The following ARHGEF7 variants were observed in gnomAD, a reference collection of about 807,000 sequenced individuals.
ARHGEF7 encodes PAK-interacting exchange factor beta.
A neutral mutation model predicts 109.8 loss-of-function variants in ARHGEF7; 33 were observed. That is an observed-to-expected ratio of 0.30 (90% CI 0.23 to 0.40). The LOEUF (loss-of-function observed/expected upper bound fraction) is 0.40, where lower values mean the gene tolerates loss of function less well. Ranked by LOEUF, ARHGEF7 falls within the 10% of genes least tolerant of loss-of-function variation. The pLI, the probability that ARHGEF7 is intolerant of heterozygous loss-of-function variation, is 1.00. For synonymous variants in ARHGEF7, 458 were observed against 424.6 expected, an observed-to-expected ratio of 1.08 and a Z score of -0.97; for missense variants, 938 against 1,098.5, an observed-to-expected ratio of 0.85 and a Z score of 2.07.
At chr13:111,179,280 C>T (rs916478990) in intron 2 of ARHGEF7, among the ~76,000 whole-genome samples, 2 of 152,034 alleles carry the variant, frequency 1.3e-5, no homozygotes, top group Admixed American at 6.6e-5. Flanking sequence ...GACAGGGTTT[C>T]GCTATGTTGA....
In ARHGEF7 at chr13:111,283,157, A is replaced by G; in HGVS notation, c.1744A>G (p.Thr582Ala). The G allele has an allele frequency of 1.0e-5, 16 of 1,590,452 alleles. No homozygotes were observed. The highest frequency in any genetic ancestry group is 1.4e-5 in the Non-Finnish European group (16 of 1,169,210). ...TTGGCAGCTCCCCTCCCACCCGGTC[A>G]CTCCGTCCAGCAAGCACGCAGACAG... ...PSHTLPSHPV[T>A]PSSKHADSKP... is the part of the protein sequence containing the mutation. Residue 582 changes from threonine to alanine, a missense_variant, in exon 16 of 22, where the codon ACT becomes GCT. Coordinates refer to ENST00000646102, the MANE Select transcript of ARHGEF7 (RefSeq NM_001354046.2).
chr13:111,163,809 A>G (rs955510401), intron 2 of ARHGEF7, among the ~76,000 whole-genome samples: 2 of 152,204 alleles, frequency 1.3e-5, no homozygotes, highest in African/African-American at 4.8e-5. Flanking sequence ...TGCTGGGATT[A>G]TAGGCATGAG....
Position 111,239,929 on chromosome 13 carries a change from A to G in ARHGEF7, c.760-3943A>G, listed in dbSNP as rs572294096. On this transcript the variant is annotated intron_variant, in intron 6 of 21. Transcript: ENST00000646102. The surrounding 1 kb of genome is among the most constrained non-coding windows in gnomAD (Gnocchi z 4.3). ...TAATTACCTCCTGACTGAAGGAGTC[A>G]TTTAAGAAGCAGCTCCAAGTAAGAC... 2.6e-5 allele frequency among the ~76,000 whole-genome samples: 4 copies of G among 152,312 alleles called. No individual in the cohort carries two copies. The South Asian group carries it at 6.2e-4, about 24-fold the overall frequency.
intron 1 of ARHGEF7, 196 bp from the exon 2 acceptor site, chr13:111,153,709 G>T: frequency 7.6e-7 from 1 of 1,320,772 alleles, no homozygotes; most frequent in Non-Finnish European, 9.6e-7. Flanking sequence ...CAGCCCCGGA[G>T]GAAGAAAAAA....
chr13:111,282,031 C>T (rs1259526746), intron 15 of ARHGEF7, among the ~76,000 whole-genome samples: 2 of 152,216 alleles, frequency 1.3e-5, no homozygotes, highest in Non-Finnish European at 2.9e-5. Context: ...GGATGTCTTA[C>T]ATAATTTTAT....
At chr13:111,156,413 A>C (rs2076340005) in intron 2 of ARHGEF7, among the ~76,000 whole-genome samples, 1 of 152,274 alleles carries the variant, frequency 6.6e-6, no homozygotes, top group Admixed American at 6.5e-5. Flanking sequence ...AATTTAAGCA[A>C]GAGGCAAATG....
intron 8 of ARHGEF7, among the ~76,000 whole-genome samples, chr13:111,244,577 A>G (rs2088435047): frequency 6.6e-6 from 1 of 152,176 alleles, no homozygotes. Context: ...GAATGGCCTG[A>G]CACCAGGACC....
chr13:111,283,270 C>T lies in ARHGEF7; in HGVS notation c.1857C>T (p.Pro619=). ...GTPHTTINWG[P]LEPPKTPKPW... is the part of the protein sequence containing the mutation. ...CGCACACCACCATCAACTGGGGACCCCTGGAGCCTCCGAAAACACCCAAGC... is the reference window on the plus strand; with the variant it reads ...CGCACACCACCATCAACTGGGGACCTCTGGAGCCTCCGAAAACACCCAAGC... Residue 619 remains proline, a synonymous_variant, in exon 16 of 22, where the codon CCC becomes CCT. Coordinates refer to ENST00000646102, the MANE Select transcript of ARHGEF7 (RefSeq NM_001354046.2). The T allele has an allele frequency of 6.3e-7, 1 of 1,581,066 alleles. No homozygotes were observed. Among genetic ancestry groups the T allele is most frequent in the Non-Finnish European group, 8.6e-7 (1 of 1,166,874 alleles).
At chr13:111,265,709 A>T (rs749138178) in intron 8 of ARHGEF7, 3 of 456,180 alleles carry the variant, frequency 6.6e-6, no homozygotes, top group South Asian at 4.6e-5. Context: ...TGGTATTAAA[A>T]GGTGGGCCTT....
chr13:111,209,234 T>C (rs879339966), intron 3 of ARHGEF7: 1 of 152,144 alleles, frequency 6.6e-6, no homozygotes, highest in Admixed American at 6.5e-5. Flanking sequence ...AATAAATTGC[T>C]ATTATTTATT....
chr13:111,132,857 G>A (rs1296285861), intron 1 of ARHGEF7, among the ~76,000 whole-genome samples: 1 of 151,912 alleles, frequency 6.6e-6, no homozygotes, highest in Non-Finnish European at 1.5e-5. Flanking sequence ...GGTGGGTAGA[G>A]AGTGTTATTG....
intron 8 of ARHGEF7, among the ~76,000 whole-genome samples, chr13:111,261,086 G>A (rs78442864): frequency 0.022 from 3,355 of 152,090 alleles, 127 homozygotes; most frequent in African/African-American, 0.077. Flanking sequence ...AGAGAAGATT[G>A]CAAAACAAGA....
chr13:111,133,789 ATATATATATATATATATAT>A (rs1566606755), intron 1 of ARHGEF7, among the ~76,000 whole-genome samples: 1,789 of 103,678 alleles, frequency 0.017, 176 homozygotes, highest in African/African-American at 0.069. Context: ...ATATATATAT[ATATATATATATATATATAT>A]ATATATTTAT....
chr13:111,117,727 CTCCT>C (rs10559879), intron 1 of ARHGEF7, among the ~76,000 whole-genome samples: 4,283 of 151,738 alleles, frequency 0.028, 181 homozygotes, highest in African/African-American at 0.091. Flanking sequence ...CTCTTTCTTT[CTCCT>C]TCCTTCCTTC....
At chr13:111,177,762 A>G (rs1337450210) in intron 2 of ARHGEF7, among the ~76,000 whole-genome samples, 1 of 152,226 alleles carries the variant, frequency 6.6e-6, no homozygotes, top group Non-Finnish European at 1.5e-5. Context: ...TCTTGAATAT[A>G]TTAGCTCACG....
chr13:111,283,002 C>A (rs969930100), intron 15 of ARHGEF7, 137 bp from the exon 16 acceptor site: 2 of 1,196,902 alleles, frequency 1.7e-6, no homozygotes, highest in East Asian at 5.2e-5. Context: ...GCCAGAGATA[C>A]GAATGAAATG....
In ARHGEF7 at chr13:111,258,652, A is replaced by T; in HGVS notation, c.951-8896A>T. ...CGAGCTGGCTTCAAATGTGACCCAG[A>T]GCACATTCCCAGCTGTGGTGGCTAC... On this transcript the variant is annotated intron_variant, in intron 8 of 21. Transcript: ENST00000646102. This position sits in a 1 kb window ranked among gnomAD's most constrained non-coding sequence, Gnocchi z 4.4. 6.6e-6 allele frequency among the ~76,000 whole-genome samples: 1 copy of T among 152,154 alleles called. No individual in the cohort carries two copies. Among genetic ancestry groups the T allele is most frequent in the East Asian group, 1.9e-4 (1 of 5,166 alleles).
At position 111,242,904 on chromosome 13, in the gene ARHGEF7, G is replaced by T. The variant is rs541459831; in HGVS notation, c.760-968G>T. Among the ~76,000 whole-genome samples the T allele has an allele frequency of 1.2e-4, 18 of 152,332 alleles. 1 individual carries two copies. In the South Asian group the frequency reaches 3.5e-3, roughly 30 times the overall value. On this transcript the variant is annotated intron_variant, in intron 6 of 21. Coordinates refer to ENST00000646102, the MANE Select transcript of ARHGEF7 (RefSeq NM_001354046.2). ...TCGTCCCACCCTGGGCTGGGCCTTT[G>T]CTGCAGTGATAGCTGGTGGAAAGCA... is the stretch of plus-strand genomic sequence containing the variant.
At chr13:111,198,192 T>C (rs7983454) in intron 2 of ARHGEF7, among the ~76,000 whole-genome samples, 70,460 of 151,864 alleles carry the variant, frequency 0.46, 16,916 homozygotes, top group South Asian at 0.55. Context: ...GTCCGGTGGC[T>C]GTGCTAGTTG....
Sources: allele counts gnomAD v4.1 joint callset (sites outside exome capture counted in the v4.1 genomes callset), GRCh38; gene constraint gnomAD v4.1.1; non-coding constraint Gnocchi (gnomAD v3.1); transcripts MANE v1.5; gene names NCBI Gene and HGNC (gene_info 2026-07-23, HGNC 2026-07-21).